CEACAM21: variants seen among roughly 807,000 people sequenced by gnomAD.
CEACAM21 encodes CEA cell adhesion molecule 21.
CEACAM21 carries 38 observed loss-of-function variants against 33.2 expected under a neutral mutation model. That is an observed-to-expected ratio of 1.14 (90% CI 0.88 to 1.50). The LOEUF (loss-of-function observed/expected upper bound fraction) is 1.50, where lower values mean the gene tolerates loss of function less well. Ranked by LOEUF, CEACAM21 falls within the 40% of genes most tolerant of loss-of-function variation. The probability of loss-of-function intolerance (pLI) is 0.00; values close to 1 mark genes in which losing one functional copy is unlikely to be tolerated. For synonymous variants in CEACAM21, 156 were observed against 143.0 expected (o/e 1.09, Z -0.65); for missense variants, 385 against 364.6 (o/e 1.06, Z -0.46).
intron 1 of CEACAM21, among the ~76,000 whole-genome samples, chr19:41,559,807 C>A (rs1555786380): frequency 6.6e-6 from 1 of 152,150 alleles, no homozygotes; most frequent in Non-Finnish European, 1.5e-5. Flanking sequence ...GAAACCAGAA[C>A]TGGGTCAGGC....
In CEACAM21 at chr19:41,585,434, C is replaced by T. The variant is rs377681762; in HGVS notation, c.798-9C>T. 8.1e-6 allele frequency: 13 copies of T among 1,613,792 alleles called. No homozygotes were observed. In the African/African-American group the frequency reaches 1.5e-4, roughly 18 times the overall value. ...TTGCACCTTCACAAATAACCCTGACCTTTCCTAGGGCCAGCGATCAGAGTG... is the reference window on the plus strand; with the variant it reads ...TTGCACCTTCACAAATAACCCTGACTTTTCCTAGGGCCAGCGATCAGAGTG... On this transcript the variant is annotated splice_polypyrimidine_tract_variant and intron_variant, in intron 4 of 6. Transcript: ENST00000401445.
intron 1 of CEACAM21, chr19:41,551,766 G>C (rs2041219816): frequency 6.6e-6 from 1 of 152,190 alleles, no homozygotes; most frequent in Non-Finnish European, 1.5e-5. Context: ...AATCAAACCA[G>C]GAACAGTATG....
chr19:41,567,979 C>A (rs1292145970), intron 2 of CEACAM21, among the ~76,000 whole-genome samples: 1 of 151,528 alleles, frequency 6.6e-6, no homozygotes, highest in Non-Finnish European at 1.5e-5. Flanking sequence ...CTTTTTAGTG[C>A]TTCATGATTC....
At chr19:41,582,657 G>T (rs1404874376) in intron 3 of CEACAM21, among the ~76,000 whole-genome samples, 2 of 152,224 alleles carry the variant, frequency 1.3e-5, no homozygotes, top group East Asian at 3.8e-4. Context: ...TTTGGGGCTT[G>T]CACCCTCTGA....
At position 41,577,659 on chromosome 19, in the gene CEACAM21, A is replaced by C. The variant is rs1238730668; in HGVS notation, c.424+100A>C. On this transcript the variant is annotated intron_variant, in intron 2 of 6. Transcript: ENST00000401445. ...CTGTGCCTGCATCCCCCTCTGCATT[A>C]CGTCCCATGTTGGGGTTTGGGCATT... The C allele has an allele frequency of 1.7e-5, 27 of 1,545,932 alleles. No individual in the cohort carries two copies. In the African/African-American group the frequency reaches 3.7e-4, roughly 21 times the overall value.
intron 3 of CEACAM21, among the ~76,000 whole-genome samples, chr19:41,581,458 C>T (rs2043378489): frequency 6.6e-6 from 1 of 152,204 alleles, no homozygotes; most frequent in Admixed American, 6.5e-5. Context: ...CCCTGATTTC[C>T]CACTTCACAC....
upstream of CEACAM21, among the ~76,000 whole-genome samples, chr19:41,575,434 C>A (rs77702297): frequency 8.7e-3 from 1,318 of 152,310 alleles, 21 homozygotes; most frequent in African/African-American, 0.03. Flanking sequence ...CCTTCCTGAC[C>A]TTCTGTAAAA....
chr19:41,566,417 A>G (rs2042268706), intron 2 of CEACAM21, among the ~76,000 whole-genome samples: 2 of 152,198 alleles, frequency 1.3e-5, no homozygotes, highest in South Asian at 4.1e-4. Context: ...TTCTCTAAAA[A>G]CCTATTGAGA....
At chr19:41,579,981 A>T (rs1349477494) in intron 3 of CEACAM21, among the ~76,000 whole-genome samples, 1 of 152,178 alleles carries the variant, frequency 6.6e-6, no homozygotes, top group African/African-American at 2.4e-5. Context: ...CAGTGCTATC[A>T]ATATCGACTG....
upstream of CEACAM21, chr19:41,576,047 AGGAGAAAGGAGGGACAAG>A (rs1176574358): frequency 1.9e-5 from 11 of 581,904 alleles, no homozygotes; most frequent in Non-Finnish European, 3.3e-5. Context: ...GCAAAAAGGA[AGGAGAAAGGAGGGACAAG>A]GGAGGCAGGA....
chr19:41,556,923 T>A (rs1249839664), intron 1 of CEACAM21, among the ~76,000 whole-genome samples: 2 of 152,270 alleles, frequency 1.3e-5, no homozygotes, highest in East Asian at 3.9e-4. Context: ...TACAAATAGG[T>A]CAATTGTTTA....
intron 3 of CEACAM21, among the ~76,000 whole-genome samples, chr19:41,580,558 G>A (rs540185013): frequency 1.3e-5 from 2 of 152,108 alleles, no homozygotes; most frequent in Non-Finnish European, 2.9e-5. Flanking sequence ...ACAGCTCTCA[G>A]GACTCAGGGA....
intron 1 of CEACAM21, among the ~76,000 whole-genome samples, chr19:41,555,703 T>C (rs1254198640): frequency 1.3e-5 from 2 of 152,170 alleles, no homozygotes; most frequent in Non-Finnish European, 2.9e-5. Flanking sequence ...TCTTCAAGGC[T>C]AGTAGCACAG....
At position 41,585,433 on chromosome 19, in the gene CEACAM21, C is replaced by T. The variant is rs2070658987; in HGVS notation, c.798-10C>T. On this transcript the variant is annotated splice_polypyrimidine_tract_variant and intron_variant, in intron 4 of 6. Transcript: ENST00000401445. ...CTTGCACCTTCACAAATAACCCTGA[C>T]CTTTCCTAGGGCCAGCGATCAGAGT... 3 of 1,613,712 alleles carry T rather than the reference C, an allele frequency of 1.9e-6. No individual in the cohort carries two copies. The highest frequency in any genetic ancestry group is 1.3e-5 in the African/African-American group (1 of 74,894).
intron 2 of CEACAM21, among the ~76,000 whole-genome samples, chr19:41,569,938 G>C (rs1231046479): frequency 6.6e-6 from 1 of 152,182 alleles, no homozygotes; most frequent in Non-Finnish European, 1.5e-5. Flanking sequence ...ACACAGGGTG[G>C]CTGACACCTG....
intron 2 of CEACAM21, among the ~76,000 whole-genome samples, chr19:41,578,650 G>A (rs146296208): frequency 6.2e-4 from 95 of 152,268 alleles, no homozygotes; most frequent in African/African-American, 2.2e-3. Flanking sequence ...GGAATGACGG[G>A]CAAATGGAGA....
chr19:41,573,210 C>T (rs146064150), upstream of CEACAM21, among the ~76,000 whole-genome samples: 96 of 152,326 alleles, frequency 6.3e-4, no homozygotes, highest in Middle Eastern at 6.8e-3. Context: ...GATGTGCAGC[C>T]GTCCCTGTCT....
At chr19:41,585,542 CCCCAAGTTGT>C (rs1171148086) in intron 5 of CEACAM21, 47 bp downstream of exon 5, 8 of 1,597,210 alleles carry the variant, frequency 5.0e-6, no homozygotes, top group Middle Eastern at 3.3e-4. Flanking sequence ...ACTAAGCCAG[CCCCAAGTTGT>C]CCACTCCTGC....
upstream of CEACAM21, among the ~76,000 whole-genome samples, chr19:41,574,726 C>T (rs190670489): frequency 3.9e-5 from 6 of 152,244 alleles, no homozygotes; most frequent in South Asian, 2.1e-4. Flanking sequence ...ATGGAACCCT[C>T]GTATATTGCT....
Sources: allele counts gnomAD v4.1 joint callset (sites outside exome capture counted in the v4.1 genomes callset), GRCh38; gene constraint gnomAD v4.1.1; transcripts MANE v1.5; gene names NCBI Gene and HGNC (gene_info 2026-07-23, HGNC 2026-07-21).